The following CRHR1 variants were observed in gnomAD, a reference collection of about 807,000 sequenced individuals.
CRHR1 encodes the protein corticotropin-releasing hormone receptor 1.
In CRHR1, 28 loss-of-function variants were observed where a neutral mutation model predicts 56.0. The observed-to-expected ratio is 0.50, with a 90% CI of 0.37 to 0.69. CRHR1 has a LOEUF of 0.69. Ranked by LOEUF, CRHR1 falls within the 30% of genes least tolerant of loss-of-function variation. The pLI, the probability that CRHR1 is intolerant of heterozygous loss-of-function variation, is 0.00. For missense variants in CRHR1, 376 were observed against 548.0 expected (o/e 0.69, Z 3.13); for synonymous variants, 195 against 216.5 (o/e 0.90, Z 0.87).
intron 1 of CRHR1, among the ~76,000 whole-genome samples, chr17:45,805,344 G>A (rs547275155): frequency 8.5e-5 from 13 of 152,060 alleles, no homozygotes; most frequent in Admixed American, 4.6e-4. Context: ...GTGGAGTCCC[G>A]GCCCCTTGTG....
rs16940665 is a variant in CRHR1, at chr17:45,830,530, T to C, written c.669T>C (p.Thr223=). Residue 223 remains threonine, a synonymous_variant, in exon 7 of 13, where the codon ACT becomes ACC. Coordinates refer to ENST00000314537, the MANE Select transcript of CRHR1 (RefSeq NM_004382.5). ...LHTAIVLTYS[T]DRLRKWMFIC... is the part of the protein sequence containing the mutation. ...CAGCCATCGTGCTCACCTACTCCAC[T>C]GACCGGCTGCGCAAATGGATGTTCA... 304,390 of 1,612,992 alleles carry C rather than the reference T, an allele frequency of 0.19. 32,770 individuals carry two copies. The highest frequency in any genetic ancestry group is 0.22 in the Non-Finnish European group (261,243 of 1,179,572).
chr17:45,832,615 A>G (rs931189960), intron 8 of CRHR1, among the ~76,000 whole-genome samples: 1 of 152,224 alleles, frequency 6.6e-6, no homozygotes, highest in African/African-American at 2.4e-5. Context: ...CTGGAGGGAC[A>G]CTCGGGAAAA....
intron 1 of CRHR1, among the ~76,000 whole-genome samples, chr17:45,796,056 C>T (rs542212481): frequency 1.3e-5 from 2 of 152,310 alleles, no homozygotes; most frequent in South Asian, 2.1e-4. Flanking sequence ...TCTTTAAATC[C>T]CTTTTAAAAC....
At chr17:45,790,583 G>A (rs538962853) in intron 1 of CRHR1, among the ~76,000 whole-genome samples, 9 of 152,298 alleles carry the variant, frequency 5.9e-5, no homozygotes, top group East Asian at 1.9e-4. Context: ...CATCTCACCC[G>A]CCTGGCACTG....
intron 1 of CRHR1, chr17:45,799,307 T>C (rs1025663600): frequency 6.6e-6 from 1 of 152,222 alleles, no homozygotes; most frequent in Non-Finnish European, 1.5e-5. Context: ...ATTCAATTAG[T>C]CCGTAACTAC....
At position 45,784,666 on chromosome 17, in the gene CRHR1, C is replaced by T. The variant is rs1322833533; in HGVS notation, c.33+89C>T. The T allele has an allele frequency of 3.8e-6, 5 of 1,332,608 alleles. No homozygotes were observed. The highest frequency in any genetic ancestry group is 2.8e-5 in the Admixed American group (1 of 35,284). 82.5% of individuals were successfully genotyped at this position (1,332,608 alleles called of 1,614,324 possible). A position where few individuals can be genotyped will look rare whatever the true frequency, so the allele number is the denominator to read the frequency against. On this transcript the variant is annotated intron_variant, in intron 1 of 12. Transcript: ENST00000314537. The surrounding 1 kb of genome is among the most constrained non-coding windows in gnomAD (Gnocchi z 4.2). ...GGCTGGGCTGTGGGTGTGATGGGGG[C>T]GGGGGCGCTGGGAGAGCCGTGCTTA...
At chr17:45,802,279 C>T (rs1034221457) in intron 1 of CRHR1, among the ~76,000 whole-genome samples, 2 of 152,144 alleles carry the variant, frequency 1.3e-5, no homozygotes, top group Non-Finnish European at 2.9e-5. Flanking sequence ...GAGCGGAGGT[C>T]GCACCACTGC....
In CRHR1 at chr17:45,824,075, C is replaced by T. The variant is rs111773503; in HGVS notation, c.327+2635C>T. On this transcript the variant is annotated intron_variant, in intron 4 of 12. Transcript: ENST00000314537. Reference sequence around the variant, plus strand: ...AAGTCCTGGGATTGGGAGGAGGGCTCCTCCTGGACTGGGGGAAGGAGGTGG... The same window carrying T: ...AAGTCCTGGGATTGGGAGGAGGGCTTCTCCTGGACTGGGGGAAGGAGGTGG... Among the ~76,000 whole-genome samples the T allele has an allele frequency of 1.2e-3, 190 of 152,292 alleles. 1 individual carries two copies. The highest frequency in any genetic ancestry group is 4.3e-3 in the African/African-American group (179 of 41,562).
intron 1 of CRHR1, among the ~76,000 whole-genome samples, chr17:45,805,387 A>G (rs1367489358): frequency 1.3e-5 from 2 of 152,024 alleles, no homozygotes; most frequent in East Asian, 3.9e-4. Context: ...CTGGCCACCG[A>G]CCTGCTTCTA....
chr17:45,833,554 T>C lies in CRHR1; in HGVS notation c.929+17T>C. Reference sequence around the variant, plus strand: ...TCAGTACAGGTAACCGGGTACCACCTTCCTCAGGCCTCCCCCTGATGAAAC... The same window carrying C: ...TCAGTACAGGTAACCGGGTACCACCCTCCTCAGGCCTCCCCCTGATGAAAC... On this transcript the variant is annotated intron_variant, in intron 10 of 12. Coordinates refer to ENST00000314537, the MANE Select transcript of CRHR1 (RefSeq NM_004382.5). 1 of 1,612,166 alleles carries C rather than the reference T, an allele frequency of 6.2e-7. No individual in the cohort carries two copies. Among genetic ancestry groups the C allele is most frequent in the South Asian group, 1.1e-5 (1 of 91,054 alleles).
chr17:45,803,954 G>A (rs965470692), intron 1 of CRHR1, among the ~76,000 whole-genome samples: 1 of 152,260 alleles, frequency 6.6e-6, no homozygotes, highest in African/African-American at 2.4e-5. Context: ...ATTGCTGAGC[G>A]GGCAGTGCAG....
At chr17:45,812,998 A>AC (rs35298257) in intron 2 of CRHR1, among the ~76,000 whole-genome samples, 10 of 149,810 alleles carry the variant, frequency 6.7e-5, no homozygotes, top group Admixed American at 2.7e-4. Flanking sequence ...GGTCCCAGGG[A>AC]CCCCCCACTC....
intron 4 of CRHR1, among the ~76,000 whole-genome samples, chr17:45,827,338 T>G (rs774209255): frequency 1.3e-5 from 2 of 152,246 alleles, no homozygotes; most frequent in Non-Finnish European, 2.9e-5. Context: ...AGCCTGGGCC[T>G]GTGAACAAGG....
chr17:45,831,535 G>C (rs1286541596), intron 8 of CRHR1, among the ~76,000 whole-genome samples: 1 of 152,198 alleles, frequency 6.6e-6, no homozygotes, highest in Admixed American at 6.5e-5. Context: ...TTCTGCTGCA[G>C]TGGAGCTCAA....
intron 2 of CRHR1, among the ~76,000 whole-genome samples, chr17:45,808,722 T>C (rs1255501430): frequency 6.6e-6 from 1 of 152,122 alleles, no homozygotes; most frequent in East Asian, 1.9e-4. Context: ...AATCATAGTT[T>C]AGTGCAGCCT....
At chr17:45,793,005 T>G (rs1240974104) in intron 1 of CRHR1, among the ~76,000 whole-genome samples, 1 of 152,240 alleles carries the variant, frequency 6.6e-6, no homozygotes, top group Admixed American at 6.5e-5. Flanking sequence ...GCACAGTAGA[T>G]GCTGAACTAA....
Position 45,799,040 on chromosome 17 carries a change from C to T in CRHR1, c.34-7970C>T, listed in dbSNP as rs145116381. Among the ~76,000 whole-genome samples the T allele has an allele frequency of 3.8e-3, 574 of 152,296 alleles. 2 individuals are homozygous for T. The highest frequency in any genetic ancestry group is 5.9e-3 in the Admixed American group (91 of 15,304). Reference sequence around the variant, plus strand: ...TGTGGGAGGAGGGCCAGGCCCGAGGCGGGATGGGGAGAAGCCTGGGCAGTC... The same window carrying T: ...TGTGGGAGGAGGGCCAGGCCCGAGGTGGGATGGGGAGAAGCCTGGGCAGTC... On this transcript the variant is annotated intron_variant, in intron 1 of 12. Transcript: ENST00000314537.
At chr17:45,791,864 A>T (rs1295623893) in intron 1 of CRHR1, among the ~76,000 whole-genome samples, 37 of 151,300 alleles carry the variant, frequency 2.4e-4, no homozygotes, top group Non-Finnish European at 4.0e-4. Flanking sequence ...ACACACACAC[A>T]CACACACACA....
Position 45,829,250 on chromosome 17 carries a change from C to A in CRHR1, c.363C>A (p.Ile121=). The change falls in exon 5 of 13, where the codon ATC becomes ATA. Residue 121 remains isoleucine (I), a synonymous_variant. Transcript: ENST00000314537. ...AGGTGCACTACCATGTCGCAGTCATCATCAACTACCTGGGCCACTGTATCT... is the reference window on the plus strand; with the variant it reads ...AGGTGCACTACCATGTCGCAGTCATAATCAACTACCTGGGCCACTGTATCT... ...KSKVHYHVAV[I]INYLGHCISL... is the part of the protein sequence containing the mutation. 6.2e-7 allele frequency: 1 copy of A among 1,614,108 alleles called. No homozygotes were observed. Among genetic ancestry groups the A allele is most frequent in the Non-Finnish European group, 8.5e-7 (1 of 1,180,032 alleles).
Sources: gnomAD v4.1 joint callset for allele counts (sites outside exome capture counted in the v4.1 genomes callset) on GRCh38, gnomAD v4.1.1 for gene constraint, Gnocchi (gnomAD v3.1) non-coding constraint, MANE v1.5 for transcripts, NCBI Gene and HGNC (gene_info 2026-07-23, HGNC 2026-07-21) for gene names.